EXTL3: variants seen among roughly 807,000 people sequenced by gnomAD.
EXTL3 encodes exostosin like glycosyltransferase 3.
A neutral mutation model predicts 69.3 loss-of-function variants in EXTL3; 27 were observed. The ratio of observed to expected loss-of-function variants is 0.39; its 90% CI spans 0.29 to 0.54. The LOEUF is 0.54. EXTL3 is among the 20% of genes least tolerant of loss of function. EXTL3 has a pLI of 0.69. For synonymous variants in EXTL3, 511 were observed against 499.4 expected (o/e 1.02, Z -0.31); for missense variants, 1,003 against 1,231.8 (o/e 0.81, Z 2.78).
At chr8:28,636,339 A>G (rs1229352842) in intron 1 of EXTL3, among the ~76,000 whole-genome samples, 3 of 151,756 alleles carry the variant, frequency 2.0e-5, no homozygotes, top group African/African-American at 7.3e-5. Flanking sequence ...CTCAAAAAAA[A>G]AAAAAAACAA....
intron 1 of EXTL3, among the ~76,000 whole-genome samples, chr8:28,666,033 C>G (rs1332513868): frequency 1.3e-5 from 2 of 152,184 alleles, no homozygotes; most frequent in Non-Finnish European, 2.9e-5. Context: ...GCTTCTTTGT[C>G]AATCTCATCC....
At position 28,716,065 on chromosome 8, in the gene EXTL3, A is replaced by G. The variant is rs1421393178; in HGVS notation, c.6A>G (p.Thr2=). The G allele has an allele frequency of 5.0e-6, 8 of 1,604,882 alleles. No homozygotes were observed. In the East Asian group the frequency reaches 1.6e-4, roughly 31 times the overall value. ...GGGCAGGCTGCAGAGGACTCATGACAGGCTATACCATGCTGCGGAATGGGG... is the reference window on the plus strand; with the variant it reads ...GGGCAGGCTGCAGAGGACTCATGACGGGCTATACCATGCTGCGGAATGGGG... M[T]GYTMLRNGGA... is the part of the protein sequence containing the mutation. Residue 2 remains threonine (T), a synonymous_variant, in exon 3 of 7, where the codon ACA becomes ACG. Transcript: ENST00000220562. This position sits in a 1 kb window ranked among gnomAD's most constrained non-coding sequence, Gnocchi z 7.1.
intron 5 of EXTL3, 88 bp downstream of exon 5, chr8:28,737,751 C>T: frequency 2.9e-6 from 4 of 1,368,340 alleles, no homozygotes; most frequent in Non-Finnish European, 4.2e-6. Context: ...CTTAGCTCTC[C>T]TAACGCTTCT....
chr8:28,640,202 T>A (rs957874790), intron 1 of EXTL3, among the ~76,000 whole-genome samples: 1 of 152,262 alleles, frequency 6.6e-6, no homozygotes, highest in Non-Finnish European at 1.5e-5. Context: ...TTACAAAGTA[T>A]AACTCAATAT....
chr8:28,710,801 T>C (rs901755205), intron 1 of EXTL3, among the ~76,000 whole-genome samples: 13 of 150,520 alleles, frequency 8.6e-5, no homozygotes, highest in Non-Finnish European at 1.8e-4. Flanking sequence ...CCTTCTGGAG[T>C]GGTGTGATTA....
In EXTL3 at chr8:28,715,796, G is replaced by A. The variant is rs775234339; in HGVS notation, c.-264G>A. The A allele has an allele frequency of 1.3e-4, 63 of 481,910 alleles. No homozygotes were observed. The highest frequency in any genetic ancestry group is 2.0e-4 in the Non-Finnish European group (55 of 271,140). 29.9% of individuals were successfully genotyped at this position (481,910 alleles called of 1,614,324 possible). A position where few individuals can be genotyped will look rare whatever the true frequency, so the allele number is the denominator to read the frequency against. On this transcript the variant is annotated 5_prime_UTR_variant, in exon 3 of 7. The change creates a new upstream start codon in the 5' untranslated region. Coordinates refer to ENST00000220562, the MANE Select transcript of EXTL3 (RefSeq NM_001440.4). ...TCCTCCCTTTCATCTCAGCAAGAAT[G>A]TGGCACCTTTTATCGTTTGATAAAG...
chr8:28,731,323 G>A lies in EXTL3; in HGVS notation c.2249G>A (p.Arg750His). The change falls in exon 4 of 7, where the codon CGC (arginine) becomes CAC (histidine). Residue 750 changes from arginine to histidine, a missense_variant. Coordinates refer to ENST00000220562, the MANE Select transcript of EXTL3 (RefSeq NM_001440.4). ...ILSIDDDAHL[R>H]HDEIMFGFRV... ...TCCATTGATGACGATGCTCACCTCC[G>A]CCATGACGAAATCATGTTTGGGTTC... is the stretch of plus-strand genomic sequence containing the variant. 1.2e-6 allele frequency: 2 copies of A among 1,614,158 alleles called. No individual in the cohort carries two copies. The highest frequency in any genetic ancestry group is 1.1e-5 in the South Asian group (1 of 91,082).
At chr8:28,749,368 G>A (rs1426171433) in intron 6 of EXTL3, among the ~76,000 whole-genome samples, 2 of 152,188 alleles carry the variant, frequency 1.3e-5, no homozygotes, top group South Asian at 4.1e-4. Context: ...GAGAATCATA[G>A]TTATTAAATT....
chr8:28,619,312 A>AAAAAAAAAAAAC (rs1563426171), upstream of EXTL3, among the ~76,000 whole-genome samples: 2 of 118,212 alleles, frequency 1.7e-5, no homozygotes, highest in African/African-American at 6.6e-5. Context: ...AAAAAAAAAA[A>AAAAAAAAAAAAC]AAACCCTGTG....
intron 1 of EXTL3, among the ~76,000 whole-genome samples, chr8:28,678,645 G>A (rs996489575): frequency 1.3e-5 from 2 of 152,098 alleles, no homozygotes; most frequent in African/African-American, 2.4e-5. Context: ...GCAGAACCAC[G>A]AGCCAAATAA....
intron 1 of EXTL3, among the ~76,000 whole-genome samples, chr8:28,641,963 G>A (rs945136128): frequency 2.0e-5 from 3 of 152,024 alleles, no homozygotes; most frequent in African/African-American, 4.8e-5. Context: ...AGCCTCCCAA[G>A]TAGCTGGGAC....
intron 6 of EXTL3, among the ~76,000 whole-genome samples, chr8:28,748,249 T>C (rs1801930116): frequency 6.6e-6 from 1 of 151,852 alleles, no homozygotes; most frequent in Non-Finnish European, 1.5e-5. Flanking sequence ...CAGGCGCCTG[T>C]AGTCCCAGCT....
At chr8:28,745,087 A>G (rs1224148125) in intron 6 of EXTL3, among the ~76,000 whole-genome samples, 1 of 152,134 alleles carries the variant, frequency 6.6e-6, no homozygotes, top group South Asian at 2.1e-4. Context: ...AGTCTCAGCT[A>G]CTCAGGAGGC....
chr8:28,724,605 T>TAAA (rs752641030), intron 3 of EXTL3, among the ~76,000 whole-genome samples: 2 of 110,044 alleles, frequency 1.8e-5, no homozygotes, highest in African/African-American at 7.9e-5. Flanking sequence ...GTCTCTGCTT[T>TAAA]AAAAAAAAAA....
intron 4 of EXTL3, among the ~76,000 whole-genome samples, chr8:28,733,484 G>A (rs576283564): frequency 6.6e-6 from 1 of 151,414 alleles, no homozygotes; most frequent in South Asian, 2.1e-4. Context: ...TGGTAACCTT[G>A]AACTCCTGGG....
intron 1 of EXTL3, among the ~76,000 whole-genome samples, chr8:28,677,667 C>T (rs1340053274): frequency 1.3e-5 from 2 of 152,174 alleles, no homozygotes; most frequent in Admixed American, 6.5e-5. Context: ...TTCACTAAAG[C>T]TGCTTCTGTA....
In EXTL3 at chr8:28,737,505, T is replaced by G; in HGVS notation, c.2277-14T>G. ...TCTGTATTCAGGTCTGTGTATGCAC[T>G]TGTGTTTTTCAAGGGTGTGGAGAGA... On this transcript the variant is annotated splice_polypyrimidine_tract_variant and intron_variant, in intron 4 of 6. Transcript: ENST00000220562. 1 of 1,613,988 alleles carries G rather than the reference T, an allele frequency of 6.2e-7. No homozygotes were observed. The highest frequency in any genetic ancestry group is 8.5e-7 in the Non-Finnish European group (1 of 1,179,846).
At chr8:28,679,881 C>T (rs1585247362) in intron 1 of EXTL3, among the ~76,000 whole-genome samples, 2 of 152,244 alleles carry the variant, frequency 1.3e-5, no homozygotes, top group Admixed American at 6.5e-5. Context: ...AATTTAAGTT[C>T]TTGCATCAAG....
chr8:28,626,082 G>T (rs1806486306), intron 1 of EXTL3, among the ~76,000 whole-genome samples: 1 of 150,266 alleles, frequency 6.7e-6, no homozygotes, highest in African/African-American at 2.5e-5. Context: ...TGAGGTGTGA[G>T]GATCTCTTGA....
Sources: allele counts gnomAD v4.1 joint callset (sites outside exome capture counted in the v4.1 genomes callset), GRCh38; gene constraint gnomAD v4.1.1; non-coding constraint Gnocchi (gnomAD v3.1); transcripts MANE v1.5; gene names NCBI Gene and HGNC (gene_info 2026-07-23, HGNC 2026-07-21).